ALK: variants seen among roughly 807,000 people sequenced by gnomAD.
The protein encoded by ALK is ALK tyrosine kinase receptor.
A neutral mutation model predicts 163.1 loss-of-function variants in ALK; 74 were observed. The ratio of observed to expected loss-of-function variants is 0.45; its 90% CI spans 0.38 to 0.55. ALK has a LOEUF of 0.55. Ranked by LOEUF, ALK falls within the 20% of genes least tolerant of loss-of-function variation. ALK has a pLI of 0.00. For missense variants in ALK, 2,063 were observed against 2,105.3 expected (o/e 0.98, Z 0.39); for synonymous variants, 960 against 843.2 (o/e 1.14, Z -2.40).
chr2:29,193,926 C>T lies in ALK; in HGVS notation c.4165-4G>A, dbSNP rs2148139208. On this transcript the variant is annotated splice_region_variant and splice_polypyrimidine_tract_variant and intron_variant, in intron 28 of 28. Transcript: ENST00000389048. ...CGGTGTTGATTACATCCGGGTCCTG[C>T]CGTAGGGGAAATTATTAAAACTTTG... 1 of 1,613,944 alleles carries T rather than the reference C, an allele frequency of 6.2e-7. No homozygotes were observed. Among genetic ancestry groups the T allele is most frequent in the East Asian group, 2.2e-5 (1 of 44,874 alleles).
intron 1 of ALK, among the ~76,000 whole-genome samples, chr2:29,864,834 A>G (rs906596461): frequency 6.6e-6 from 1 of 152,196 alleles, no homozygotes; most frequent in Non-Finnish European, 1.5e-5. Context: ...CCATGTTTGG[A>G]GAACTGGGAG....
intron 3 of ALK, among the ~76,000 whole-genome samples, chr2:29,663,839 T>C (rs565371252): frequency 1.3e-5 from 2 of 152,278 alleles, no homozygotes; most frequent in African/African-American, 4.8e-5. Flanking sequence ...GGTCAGTATA[T>C]GTATAATGCT....
intron 3 of ALK, among the ~76,000 whole-genome samples, chr2:29,607,152 G>C (rs1675562797): frequency 6.6e-6 from 1 of 152,166 alleles, no homozygotes; most frequent in Admixed American, 6.5e-5. Context: ...AGATTTTCAA[G>C]TTTAGTGACA....
Position 29,591,496 on chromosome 2 carries a change from T to C in ALK, c.953-59380A>G, listed in dbSNP as rs1012092402. Among the ~76,000 whole-genome samples the C allele has an allele frequency of 2.6e-5, 4 of 151,944 alleles. No individual in the cohort carries two copies. In the East Asian group the frequency reaches 7.7e-4, roughly 29 times the overall value. On this transcript the variant is annotated intron_variant, in intron 3 of 28. Transcript: ENST00000389048. ...CCTCCCCAGTCACACCCCAGGGCCG[T>C]GAAACATTAAGGCTGATGACTAAAA...
intron 4 of ALK, among the ~76,000 whole-genome samples, chr2:29,399,142 G>A (rs1462519837): frequency 6.6e-6 from 1 of 152,190 alleles, no homozygotes; most frequent in Non-Finnish European, 1.5e-5. Context: ...GTCAGACGCT[G>A]GGCAGGAATT....
intron 9 of ALK, among the ~76,000 whole-genome samples, chr2:29,287,396 T>C (rs1198291660): frequency 7.2e-5 from 11 of 152,208 alleles, no homozygotes. Context: ...ATGCCTAACA[T>C]CTAATGACCA....
intron 3 of ALK, among the ~76,000 whole-genome samples, chr2:29,670,839 C>T (rs2541176): frequency 0.85 from 129,855 of 152,064 alleles, 55,702 homozygotes; most frequent in African/African-American, 0.93. Flanking sequence ...CTAAGGTTTC[C>T]GTTTTATTTT....
chr2:29,215,828 C>T (rs1278653052), intron 23 of ALK, among the ~76,000 whole-genome samples: 2 of 152,206 alleles, frequency 1.3e-5, no homozygotes, highest in African/African-American at 4.8e-5. Flanking sequence ...CTCTTCCAGG[C>T]CATGTAGTCT....
chr2:29,623,351 G>C (rs1370128478), intron 3 of ALK, among the ~76,000 whole-genome samples: 1 of 152,178 alleles, frequency 6.6e-6, no homozygotes, highest in Non-Finnish European at 1.5e-5. Context: ...CTGATAAAAT[G>C]TTTTGCAACC....
intron 4 of ALK, among the ~76,000 whole-genome samples, chr2:29,459,563 G>GA (rs1446970796): frequency 7.0e-6 from 1 of 143,402 alleles, no homozygotes; most frequent in African/African-American, 2.5e-5. Context: ...TCTAGCTAAT[G>GA]ATTTTTTTTT....
At chr2:29,738,587 G>A (rs781280752) in intron 1 of ALK, among the ~76,000 whole-genome samples, 4 of 152,002 alleles carry the variant, frequency 2.6e-5, no homozygotes, top group East Asian at 1.9e-4. Context: ...AATATGAGAC[G>A]TGTTTTGAAT....
Position 29,347,343 on chromosome 2 carries a change from A to T in ALK, c.1283-18862T>A, listed in dbSNP as rs900476174. Among the ~76,000 whole-genome samples, 22 of 152,296 alleles carry T rather than the reference A, an allele frequency of 1.4e-4. 1 individual carries two copies. The highest frequency in any genetic ancestry group is 1.4e-3 in the Admixed American group (21 of 15,300). ...TAGAATCTGGTTTTCCAGGTGGGCT[A>T]CTGGGCTGATGGAGGAGGTGAACCA... On this transcript the variant is annotated intron_variant, in intron 5 of 28. Transcript: ENST00000389048.
At chr2:29,694,652 T>G (rs1309527180) in intron 3 of ALK, among the ~76,000 whole-genome samples, 198 bp downstream of exon 3, 1 of 152,248 alleles carries the variant, frequency 6.6e-6, no homozygotes, top group East Asian at 1.9e-4. Context: ...AATAAAGGTT[T>G]GGGCTGATCT....
chr2:29,275,042 C>T (rs1665495832), intron 11 of ALK, 57 bp downstream of exon 11: 1 of 1,610,692 alleles, frequency 6.2e-7, no homozygotes, highest in Non-Finnish European at 8.5e-7. Context: ...ACCAATCTTT[C>T]TTCTGCCTTT....
intron 3 of ALK, among the ~76,000 whole-genome samples, chr2:29,640,097 C>T (rs72864439): frequency 0.013 from 1,974 of 152,272 alleles, 35 homozygotes; most frequent in African/African-American, 0.036. Flanking sequence ...AGAGGGAGGT[C>T]CAGTGCCTCC....
intron 4 of ALK, among the ~76,000 whole-genome samples, chr2:29,523,702 C>T (rs1042760312): frequency 4.6e-5 from 7 of 152,030 alleles, no homozygotes; most frequent in Admixed American, 1.3e-4. Context: ...CTGACAAGCA[C>T]GGGGTTACAG....
chr2:29,556,821 A>T (rs1276199559), intron 3 of ALK, among the ~76,000 whole-genome samples: 1 of 152,216 alleles, frequency 6.6e-6, no homozygotes. Flanking sequence ...GCCATGAGGT[A>T]GCCTCCATTT....
chr2:29,546,689 C>G (rs547817800), intron 3 of ALK, among the ~76,000 whole-genome samples: 3 of 152,294 alleles, frequency 2.0e-5, no homozygotes, highest in South Asian at 4.1e-4. Flanking sequence ...TCCCAGATGT[C>G]AAGGGATAAA....
At chr2:29,883,984 T>C (rs1195413871) in intron 1 of ALK, among the ~76,000 whole-genome samples, 2 of 152,222 alleles carry the variant, frequency 1.3e-5, no homozygotes, top group African/African-American at 4.8e-5. Flanking sequence ...TTAAAACTTA[T>C]TGTGCACACA....
Sources: allele counts gnomAD v4.1 joint callset (sites outside exome capture counted in the v4.1 genomes callset), GRCh38; gene constraint gnomAD v4.1.1; transcripts MANE v1.5; gene names NCBI Gene and HGNC (gene_info 2026-07-23, HGNC 2026-07-21).